ARID2: variants seen among roughly 807,000 people sequenced by gnomAD.
The protein encoded by ARID2 is AT-rich interactive domain-containing protein 2.
A neutral mutation model predicts 184.6 loss-of-function variants in ARID2; 32 were observed. The ratio of observed to expected loss-of-function variants is 0.17; its 90% confidence interval spans 0.13 to 0.23. ARID2 has a LOEUF of 0.23. ARID2 is among the 10% of genes least tolerant of loss of function. The pLI is 1.00. For synonymous variants in ARID2, 836 were observed against 772.6 expected, an observed-to-expected ratio of 1.08 and a Z score of -1.36; for missense variants, 1,696 against 2,197.6, an observed-to-expected ratio of 0.77 and a Z score of 4.56.
chr12:45,812,716 G>A (rs1261795345), intron 4 of ARID2, among the ~76,000 whole-genome samples: 2 of 152,146 alleles, frequency 1.3e-5, no homozygotes, highest in Non-Finnish European at 2.9e-5. Context: ...TCTAAAAAGA[G>A]CTAATGACCA....
chr12:45,749,949 A>G (rs964409724), intron 3 of ARID2, among the ~76,000 whole-genome samples: 1 of 152,208 alleles, frequency 6.6e-6, no homozygotes, highest in African/African-American at 2.4e-5. Context: ...CTTACCAGCC[A>G]TAAGGGTGTT....
intron 16 of ARID2, among the ~76,000 whole-genome samples, chr12:45,863,591 TA>T (rs1319502096): frequency 4.1e-5 from 6 of 147,924 alleles, no homozygotes; most frequent in South Asian, 2.2e-4. Flanking sequence ...TGTCTCTTTT[TA>T]AAAAAAAAAC....
chr12:45,774,589 A>G (rs1354369716), intron 3 of ARID2, among the ~76,000 whole-genome samples: 2 of 152,154 alleles, frequency 1.3e-5, no homozygotes. Context: ...CATTTGGGAT[A>G]TAAATTATGG....
At chr12:45,747,023 C>G (rs1163400204) in intron 3 of ARID2, among the ~76,000 whole-genome samples, 1 of 152,186 alleles carries the variant, frequency 6.6e-6, no homozygotes, top group East Asian at 1.9e-4. Flanking sequence ...CCCGCCTCAG[C>G]CTCCCAAAGT....
Position 45,839,432 on chromosome 12 carries a change from A to C in ARID2, c.1434A>C (p.Leu478Phe). Residue 478 changes from leucine to phenylalanine, a missense_variant, in exon 11 of 21, where the codon TTA (leucine) becomes TTC (phenylalanine). Physicochemically the swap from Leu to Phe is conservative, Grantham distance 22. Around this residue, in one of 11 missense-constraint regions of ARID2, gnomAD observed 713 missense variants for 824.4 expected, o/e 0.86. Coordinates refer to ENST00000334344, the MANE Select transcript of ARID2 (RefSeq NM_152641.4). The part of the protein sequence containing the change: ...IEHPSSSHQM[L>F]SEIRPQAIEQ... ...ACCCAAGTTCCAGTCATCAAATGTTATCTGAAATTAGGCCACAAGCTATAG... is the reference window on the plus strand; with the variant it reads ...ACCCAAGTTCCAGTCATCAAATGTTCTCTGAAATTAGGCCACAAGCTATAG... The C allele has an allele frequency of 6.2e-7, 1 of 1,614,164 alleles. No individual in the cohort carries two copies. The highest frequency in any genetic ancestry group is 1.6e-4 in the Middle Eastern group (1 of 6,062).
intron 3 of ARID2, among the ~76,000 whole-genome samples, chr12:45,794,571 A>T (rs1942353862): frequency 6.6e-6 from 1 of 152,144 alleles, no homozygotes; most frequent in Non-Finnish European, 1.5e-5. Flanking sequence ...GCGTTAGGAA[A>T]ACTAGTCTTT....
intron 3 of ARID2, among the ~76,000 whole-genome samples, chr12:45,759,608 C>G (rs547331358): frequency 1.3e-5 from 2 of 152,000 alleles, no homozygotes; most frequent in African/African-American, 4.8e-5. Context: ...TATGTCCGTT[C>G]GTTTTTTTAG....
chr12:45,858,891 A>G (rs1943697520), intron 15 of ARID2, among the ~76,000 whole-genome samples: 1 of 152,204 alleles, frequency 6.6e-6, no homozygotes, highest in African/African-American at 2.4e-5. Flanking sequence ...GTGGGAACCT[A>G]TTATAGAAAT....
chr12:45,907,555 GT>G lies in ARID2; in HGVS notation c.*2482del, dbSNP rs1008859171. On this transcript the variant is annotated 3_prime_UTR_variant, in exon 21 of 21. Transcript: ENST00000334344. ...AAACTGATCATGGCTTCCCACTTAGGTTTTTCTTCTTATAGCTTTATAGAAC... is the reference window on the plus strand; with the variant it reads ...AAACTGATCATGGCTTCCCACTTAGGTTTTCTTCTTATAGCTTTATAGAAC... The G allele has an allele frequency of 8.6e-6, 2 of 232,926 alleles. No homozygotes were observed. Among genetic ancestry groups the G allele is most frequent in the African/African-American group, 4.4e-5 (2 of 45,262 alleles). 14.4% of individuals were successfully genotyped at this position (232,926 alleles called of 1,614,324 possible).
intron 3 of ARID2, among the ~76,000 whole-genome samples, chr12:45,757,175 G>A (rs2138003473): frequency 6.6e-6 from 1 of 152,282 alleles, no homozygotes; most frequent in African/African-American, 2.4e-5. Context: ...TCTTTGCAAA[G>A]ATCCCTAGGC....
At chr12:45,837,970 G>T (rs1449129372) in intron 10 of ARID2, among the ~76,000 whole-genome samples, 1 of 152,122 alleles carries the variant, frequency 6.6e-6, no homozygotes, top group Non-Finnish European at 1.5e-5. Flanking sequence ...ATACAACTCT[G>T]GAAGAAGCGT....
Position 45,851,907 on chromosome 12 carries a change from A to G in ARID2, c.3784A>G (p.Lys1262Glu), listed in dbSNP as rs2138174553. 1 of 1,614,218 alleles carries G rather than the reference A, an allele frequency of 6.2e-7. No homozygotes were observed. The highest frequency in any genetic ancestry group is 1.3e-5 in the African/African-American group (1 of 75,070). The change falls in exon 15 of 21, where the codon AAA becomes GAA. Residue 1262 changes from lysine to glutamate, a missense_variant. By Grantham distance (56) the Lys-to-Glu change is moderately conservative. Around this residue, in one of 11 missense-constraint regions of ARID2, gnomAD observed 428 missense variants for 409.1 expected, o/e 1.05. Transcript: ENST00000334344. ...AACAGGTTTACATGTTCATGAACGT[A>G]AAATTGAAGTCATGGAGAACCCGTC... ...EATGLHVHER[K>E]IEVMENPSCR...
intron 3 of ARID2, among the ~76,000 whole-genome samples, chr12:45,801,301 GACTCCGTCTCAAA>G (rs1178280524): frequency 6.8e-6 from 1 of 148,002 alleles, no homozygotes; most frequent in Non-Finnish European, 1.5e-5. Flanking sequence ...AAAAGAGTGA[GACTCCGTCTCAAA>G]AAAAGAAAAA....
intron 3 of ARID2, among the ~76,000 whole-genome samples, chr12:45,763,109 T>C (rs191856679): frequency 3.3e-3 from 498 of 152,340 alleles, no homozygotes; most frequent in African/African-American, 0.011. Flanking sequence ...ATAAGAATTG[T>C]GTATTACTAT....
At chr12:45,863,906 G>A (rs1165399141) in intron 16 of ARID2, among the ~76,000 whole-genome samples, 1 of 141,686 alleles carries the variant, frequency 7.1e-6, no homozygotes, top group East Asian at 2.0e-4. Flanking sequence ...CTTCTATGCA[G>A]TGGTGCTATC....
intron 3 of ARID2, among the ~76,000 whole-genome samples, chr12:45,802,715 A>C (rs1391270036): frequency 6.6e-6 from 1 of 152,130 alleles, no homozygotes; most frequent in Non-Finnish European, 1.5e-5. Flanking sequence ...CCACCAAGAA[A>C]CACTGTGTGG....
chr12:45,839,193 G>A, intron 10 of ARID2, 136 bp from the exon 11 acceptor site: 5 of 884,304 alleles, frequency 5.7e-6, no homozygotes, highest in Non-Finnish European at 8.2e-6. Flanking sequence ...AGATGCACAG[G>A]TAATTCTGAT....
intron 6 of ARID2, among the ~76,000 whole-genome samples, chr12:45,824,973 T>G (rs1251952764): frequency 1.3e-5 from 2 of 151,750 alleles, no homozygotes; most frequent in African/African-American, 4.8e-5. Context: ...GGTCATTATG[T>G]TCAATGAAAA....
At chr12:45,745,299 C>G (rs1326907193) in intron 3 of ARID2, among the ~76,000 whole-genome samples, 1 of 152,100 alleles carries the variant, frequency 6.6e-6, no homozygotes, top group Non-Finnish European at 1.5e-5. Flanking sequence ...AGTCTTAATA[C>G]TAGAAAGGAT....
Sources: allele counts gnomAD v4.1 joint callset (sites outside exome capture counted in the v4.1 genomes callset), GRCh38; gene constraint gnomAD v4.1.1; regional missense constraint gnomAD v4.1.1; transcripts MANE v1.5; gene names NCBI Gene and HGNC (gene_info 2026-07-23, HGNC 2026-07-21).